Variants in CNTNAP5 observed in about 807,000 individuals in gnomAD.
CNTNAP5 encodes the protein contactin associated protein family member 5.
CNTNAP5 carries 72 observed loss-of-function variants against 150.2 expected under a neutral mutation model. The observed-to-expected ratio is 0.48, with a 90% CI of 0.40 to 0.58. CNTNAP5 has a LOEUF of 0.58. CNTNAP5 is among the 20% of genes least tolerant of loss of function. The pLI is 0.00. For synonymous variants in CNTNAP5, 672 were observed against 619.8 expected (o/e 1.08, Z -1.25); for missense variants, 1,636 against 1,626.2 (o/e 1.01, Z -0.10).
At chr2:124,459,327 G>T (rs2420861) in intron 6 of CNTNAP5, among the ~76,000 whole-genome samples, 71,897 of 151,966 alleles carry the variant, frequency 0.47, 17,156 homozygotes, top group Middle Eastern at 0.59. Flanking sequence ...TACATCATTT[G>T]CCTCCCTACC....
At chr2:124,165,639 G>T (rs1266296536) in intron 1 of CNTNAP5, among the ~76,000 whole-genome samples, 3 of 152,108 alleles carry the variant, frequency 2.0e-5, no homozygotes, top group African/African-American at 7.2e-5. Context: ...TCACATCAAA[G>T]ACCAAGTTTC....
At chr2:124,071,778 T>C (rs2104665052) in intron 1 of CNTNAP5, among the ~76,000 whole-genome samples, 1 of 152,124 alleles carries the variant, frequency 6.6e-6, no homozygotes, top group East Asian at 1.9e-4. Context: ...TGCTGAATTC[T>C]ACCAAACATT....
intron 11 of CNTNAP5, among the ~76,000 whole-genome samples, chr2:124,606,740 G>A (rs1376443626): frequency 6.6e-6 from 1 of 152,076 alleles, no homozygotes; most frequent in Non-Finnish European, 1.5e-5. Flanking sequence ...GCTGGTGCAG[G>A]GAAACTCTCC....
intron 13 of CNTNAP5, among the ~76,000 whole-genome samples, chr2:124,718,989 T>C (rs951004097): frequency 1.3e-5 from 2 of 150,108 alleles, no homozygotes; most frequent in African/African-American, 2.4e-5. Flanking sequence ...CCTAAGTGAA[T>C]GCCATAGACT....
intron 19 of CNTNAP5, among the ~76,000 whole-genome samples, chr2:124,803,176 G>A (rs76472211): frequency 2.6e-5 from 4 of 151,850 alleles, no homozygotes; most frequent in South Asian, 4.2e-4. Flanking sequence ...GAATGTCATC[G>A]ATGCTAGGTA....
intron 1 of CNTNAP5, among the ~76,000 whole-genome samples, chr2:124,068,956 T>C (rs1682233177): frequency 6.6e-6 from 1 of 152,018 alleles, no homozygotes; most frequent in Non-Finnish European, 1.5e-5. Flanking sequence ...TAGTATACCA[T>C]GGGCCTTGGG....
At chr2:124,773,046 G>C (rs1681240368) in intron 17 of CNTNAP5, 29 bp downstream of exon 17, 2 of 1,567,306 alleles carry the variant, frequency 1.3e-6, no homozygotes, top group Non-Finnish European at 1.8e-6. Context: ...CTCCTTTTGT[G>C]CTAAACCCTG....
At chr2:124,470,561 C>G (rs1433135992) in intron 6 of CNTNAP5, among the ~76,000 whole-genome samples, 1 of 152,036 alleles carries the variant, frequency 6.6e-6, no homozygotes, top group Non-Finnish European at 1.5e-5. Context: ...TGCAGATGCT[C>G]TTTAGTTTAA....
chr2:124,342,438 G>C (rs555810848), intron 3 of CNTNAP5, among the ~76,000 whole-genome samples: 1 of 152,088 alleles, frequency 6.6e-6, no homozygotes, highest in Non-Finnish European at 1.5e-5. Context: ...CCCGTGAACC[G>C]TGTATTCATA....
At chr2:124,640,418 T>C (rs1678066327) in intron 12 of CNTNAP5, among the ~76,000 whole-genome samples, 1 of 152,202 alleles carries the variant, frequency 6.6e-6, no homozygotes, top group Admixed American at 6.5e-5. Context: ...CTGCGGTGTC[T>C]GCATGGCACT....
intron 3 of CNTNAP5, among the ~76,000 whole-genome samples, chr2:124,270,068 C>A (rs1687706569): frequency 6.6e-6 from 1 of 152,116 alleles, no homozygotes; most frequent in Admixed American, 6.5e-5. Context: ...GTAATCCCAG[C>A]ACTTTGGGAG....
At chr2:124,738,501 G>A (rs1024873353) in intron 13 of CNTNAP5, among the ~76,000 whole-genome samples, 5 of 152,172 alleles carry the variant, frequency 3.3e-5, no homozygotes, top group Admixed American at 2.6e-4. Context: ...GGGAGGTTGA[G>A]GCAGGCAGAT....
intron 22 of CNTNAP5, among the ~76,000 whole-genome samples, chr2:124,909,893 C>T (rs1437437218): frequency 2.2e-5 from 3 of 135,576 alleles, no homozygotes; most frequent in Non-Finnish European, 4.7e-5. Context: ...GTATGTAGGT[C>T]ATCCAGGTGT....
intron 1 of CNTNAP5, among the ~76,000 whole-genome samples, chr2:124,032,433 T>A (rs1263626263): frequency 6.6e-6 from 1 of 152,074 alleles, no homozygotes; most frequent in Non-Finnish European, 1.5e-5. Context: ...TTTAAAAAAA[T>A]TACTCTGTGA....
intron 3 of CNTNAP5, among the ~76,000 whole-genome samples, chr2:124,366,614 G>T (rs553160371): frequency 6.6e-6 from 1 of 152,130 alleles, no homozygotes; most frequent in Non-Finnish European, 1.5e-5. Flanking sequence ...AAGCAGTAGC[G>T]TGACTTTTGC....
intron 8 of CNTNAP5, among the ~76,000 whole-genome samples, chr2:124,513,056 G>A (rs891487002): frequency 2.6e-5 from 4 of 152,156 alleles, no homozygotes; most frequent in Admixed American, 1.3e-4. Context: ...TTGTTACTAA[G>A]TATGTATATG....
At chr2:124,883,813 T>C (rs1288897073) in intron 21 of CNTNAP5, among the ~76,000 whole-genome samples, 3 of 152,114 alleles carry the variant, frequency 2.0e-5, no homozygotes, top group African/African-American at 7.2e-5. Flanking sequence ...TGGGCAACTG[T>C]GTGCTATAAC....
At chr2:124,799,628 A>G (rs902752854) in intron 19 of CNTNAP5, among the ~76,000 whole-genome samples, 2 of 152,210 alleles carry the variant, frequency 1.3e-5, no homozygotes, top group Non-Finnish European at 2.9e-5. Context: ...TCCAGGCCTT[A>G]TGAGGAAACT....
intron 13 of CNTNAP5, among the ~76,000 whole-genome samples, chr2:124,744,772 C>G (rs1166004267): frequency 6.6e-6 from 1 of 152,074 alleles, no homozygotes; most frequent in African/African-American, 2.4e-5. Flanking sequence ...TTCTTCCTGA[C>G]TACATGGTTA....
Sources: allele counts gnomAD v4.1 joint callset (sites outside exome capture counted in the v4.1 genomes callset), GRCh38; gene constraint gnomAD v4.1.1; transcripts MANE v1.5; gene names NCBI Gene and HGNC (gene_info 2026-07-23, HGNC 2026-07-21).